The following RCAN2 variants were observed in gnomAD, a reference collection of about 807,000 sequenced individuals.
RCAN2 encodes calcipressin-2.
A neutral mutation model predicts 23.6 loss-of-function variants in RCAN2; 9 were observed. The ratio of observed to expected loss-of-function variants is 0.38; its 90% confidence interval spans 0.23 to 0.67. RCAN2 has a LOEUF of 0.67. Among genes scored for constraint, RCAN2 ranks in the 30% least tolerant of loss-of-function variants. RCAN2 has a pLI of 0.51. For synonymous variants in RCAN2, 109 were observed against 115.7 expected (o/e 0.94, Z 0.37); for missense variants, 273 against 302.3 (o/e 0.90, Z 0.72).
At chr6:46,412,540 A>G (rs1434260279) in intron 2 of RCAN2, among the ~76,000 whole-genome samples, 2 of 152,174 alleles carry the variant, frequency 1.3e-5, no homozygotes, top group African/African-American at 4.8e-5. Flanking sequence ...CAAATTTAGC[A>G]GAGGAAAAAC....
At chr6:46,290,373 G>A (rs1174414945) in intron 2 of RCAN2, among the ~76,000 whole-genome samples, 1 of 152,188 alleles carries the variant, frequency 6.6e-6, no homozygotes, top group East Asian at 1.9e-4. Context: ...AAACAGGGAT[G>A]AGATATTAAA....
At chr6:46,446,313 T>C (rs11760109) in intron 2 of RCAN2, among the ~76,000 whole-genome samples, 1 of 143,244 alleles carries the variant, frequency 7.0e-6, no homozygotes, top group Non-Finnish European at 1.5e-5. Flanking sequence ...TGGGTGGGGG[T>C]GCTGGGGGGA....
intron 2 of RCAN2, among the ~76,000 whole-genome samples, chr6:46,406,352 A>G (rs561405967): frequency 8.5e-5 from 13 of 152,310 alleles, no homozygotes; most frequent in Admixed American, 2.6e-4. Context: ...TGCATACTCA[A>G]ATTTTAAAAT....
In RCAN2 at chr6:46,458,450, G is replaced by A. The variant is rs891875760; in HGVS notation, c.-2-1472C>T. ...AGGAGCCAAAAATTAAATAGTTTGA[G>A]GTGATATCTCTAAAATCAAATCATC... On this transcript the variant is annotated intron_variant, in intron 1 of 4. Coordinates refer to ENST00000371374, the MANE Select transcript of RCAN2 (RefSeq NM_001251974.2). Among the ~76,000 whole-genome samples the A allele has an allele frequency of 3.9e-5, 6 of 152,110 alleles. No homozygotes were observed. In the Middle Eastern group the frequency reaches 0.01, roughly 259 times the overall value.
intron 4 of RCAN2, among the ~76,000 whole-genome samples, chr6:46,234,409 C>T (rs1209539031): frequency 6.6e-6 from 1 of 152,208 alleles, no homozygotes; most frequent in Non-Finnish European, 1.5e-5. Flanking sequence ...ACCACAAGGG[C>T]TGACGTCAAT....
chr6:46,385,578 T>C (rs1262684238), intron 2 of RCAN2, among the ~76,000 whole-genome samples: 1 of 152,056 alleles, frequency 6.6e-6, no homozygotes, highest in Non-Finnish European at 1.5e-5. Flanking sequence ...AATGTAGGGC[T>C]GGGCACAGTG....
At chr6:46,224,878 T>A (rs1014021300) in intron 4 of RCAN2, among the ~76,000 whole-genome samples, 3 of 152,144 alleles carry the variant, frequency 2.0e-5, no homozygotes, top group African/African-American at 7.2e-5. Flanking sequence ...CATGTTGGTG[T>A]GCTACACCTG....
chr6:46,280,266 A>C (rs1767859667), intron 2 of RCAN2, among the ~76,000 whole-genome samples: 1 of 152,204 alleles, frequency 6.6e-6, no homozygotes, highest in South Asian at 2.1e-4. Context: ...TCAAGGGAGC[A>C]TTTAAAGGTA....
chr6:46,296,921 A>G (rs1762743796), intron 2 of RCAN2, among the ~76,000 whole-genome samples: 1 of 152,170 alleles, frequency 6.6e-6, no homozygotes, highest in Non-Finnish European at 1.5e-5. Context: ...GAGATTTAAA[A>G]CCAGGCCTTC....
At chr6:46,223,434 C>A in intron 4 of RCAN2, 133 bp from the exon 5 acceptor site, 3 of 777,916 alleles carry the variant, frequency 3.9e-6, no homozygotes, top group Non-Finnish European at 6.2e-6. Context: ...GCAGGGATGG[C>A]ACAGGGTGTT....
At chr6:46,289,327 A>G (rs1207802194) in intron 2 of RCAN2, among the ~76,000 whole-genome samples, 1 of 152,202 alleles carries the variant, frequency 6.6e-6, no homozygotes, top group African/African-American at 2.4e-5. Context: ...ATTGAGGCAA[A>G]GAGTTGGGTT....
At chr6:46,450,392 T>A (rs1263129105) in intron 2 of RCAN2, among the ~76,000 whole-genome samples, 1 of 152,068 alleles carries the variant, frequency 6.6e-6, no homozygotes, top group Non-Finnish European at 1.5e-5. Flanking sequence ...TGGAGTTTCC[T>A]CCAAAAACTA....
intron 2 of RCAN2, among the ~76,000 whole-genome samples, chr6:46,427,121 A>T (rs1029432110): frequency 2.0e-5 from 3 of 152,208 alleles, no homozygotes; most frequent in Non-Finnish European, 4.4e-5. Context: ...AAATAATTTT[A>T]AATGTTTTGA....
intron 2 of RCAN2, among the ~76,000 whole-genome samples, chr6:46,330,242 A>G (rs1021101024): frequency 2.6e-5 from 4 of 152,138 alleles, no homozygotes; most frequent in Admixed American, 2.6e-4. Context: ...TAGTGAGCTT[A>G]TTAGAAGGGC....
At chr6:46,357,452 T>A (rs1243646047) in intron 2 of RCAN2, among the ~76,000 whole-genome samples, 1 of 152,256 alleles carries the variant, frequency 6.6e-6, no homozygotes, top group Non-Finnish European at 1.5e-5. Flanking sequence ...AATGTATGTT[T>A]CTTGTTTTGT....
At position 46,283,929 on chromosome 6, in the gene RCAN2, A is replaced by T. The variant is rs145005447; in HGVS notation, c.226-35033T>A. Among the ~76,000 whole-genome samples, 436 of 152,116 alleles carry T rather than the reference A, an allele frequency of 2.9e-3. 3 individuals carry two copies. Among genetic ancestry groups the T allele is most frequent in the African/African-American group, 1.0e-2 (413 of 41,486 alleles). ...CCTACTGTGTGCTTGGATTTTTAAC[A>T]CTCCACAAACCTTTCCAAAGACCTA... On this transcript the variant is annotated intron_variant, in intron 2 of 4. Transcript: ENST00000371374.
chr6:46,389,490 G>A (rs1268379552), intron 2 of RCAN2, among the ~76,000 whole-genome samples: 3 of 152,166 alleles, frequency 2.0e-5, no homozygotes, highest in East Asian at 1.9e-4. Flanking sequence ...TGATGACAGC[G>A]ATATTACCCG....
At chr6:46,470,921 C>T (rs905799515) in intron 1 of RCAN2, among the ~76,000 whole-genome samples, 1 of 152,246 alleles carries the variant, frequency 6.6e-6, no homozygotes, top group Non-Finnish European at 1.5e-5. Context: ...CACCTCTCCT[C>T]ATTCACCTCA....
chr6:46,317,855 T>C (rs1763491968), intron 2 of RCAN2, among the ~76,000 whole-genome samples: 1 of 152,222 alleles, frequency 6.6e-6, no homozygotes, highest in Admixed American at 6.5e-5. Context: ...CTTCTGCCAA[T>C]TAATAGCTGT....
Sources: allele counts gnomAD v4.1 joint callset (sites outside exome capture counted in the v4.1 genomes callset), GRCh38; gene constraint gnomAD v4.1.1; transcripts MANE v1.5; gene names NCBI Gene and HGNC (gene_info 2026-07-23, HGNC 2026-07-21).